XRCC4: variants seen among roughly 807,000 people sequenced by gnomAD.
The protein encoded by XRCC4 is DNA repair protein XRCC4.
XRCC4 carries 28 observed loss-of-function variants against 39.1 expected under a neutral mutation model. The ratio of observed to expected loss-of-function variants is 0.72; its 90% CI spans 0.53 to 0.98. The LOEUF is 0.98. Ranked by LOEUF, XRCC4 falls within the 50% of genes least tolerant of loss-of-function variation. XRCC4 has a pLI of 0.00. For synonymous variants in XRCC4, 123 were observed against 126.4 expected, an observed-to-expected ratio of 0.97 and a Z score of 0.18; for missense variants, 350 against 376.4, an observed-to-expected ratio of 0.93 and a Z score of 0.58.
intron 3 of XRCC4, among the ~76,000 whole-genome samples, chr5:83,157,660 G>A (rs576679948): frequency 6.6e-6 from 1 of 152,144 alleles, no homozygotes; most frequent in East Asian, 1.9e-4. Flanking sequence ...AAAGAAAAGA[G>A]TTGTTGGAAA....
At chr5:83,135,693 T>C (rs1747863764) in intron 3 of XRCC4, among the ~76,000 whole-genome samples, 1 of 152,148 alleles carries the variant, frequency 6.6e-6, no homozygotes, top group South Asian at 2.1e-4. Context: ...TAATCTTTTC[T>C]TCTGCTGTGC....
chr5:83,331,468 CTT>C, intron 7 of XRCC4, among the ~76,000 whole-genome samples: 1 of 152,126 alleles, frequency 6.6e-6, no homozygotes, highest in African/African-American at 2.4e-5. Context: ...AGTTCAGACA[CTT>C]TGAAAAACAA....
At chr5:83,306,221 A>T (rs1245632825) in intron 7 of XRCC4, among the ~76,000 whole-genome samples, 1 of 152,172 alleles carries the variant, frequency 6.6e-6, no homozygotes, top group Non-Finnish European at 1.5e-5. Flanking sequence ...ATATATATAT[A>T]TACACACACA....
chr5:83,134,320 GATT>G (rs1747771831), intron 3 of XRCC4, among the ~76,000 whole-genome samples: 1 of 152,036 alleles, frequency 6.6e-6, no homozygotes, highest in African/African-American at 2.4e-5. Context: ...CTAGCTAAAG[GATT>G]GTAAACACAC....
At position 83,195,840 on chromosome 5, in the gene XRCC4, ATT is replaced by A. The variant is rs761037843; in HGVS notation, c.387_388del (p.Tyr129Ter). ...GAAGTCATTAGAGAACTTATTTGTT[ATT>A]GCTTGGACACCATTGCAGAAAATCA... On this transcript the variant is annotated stop_gained and frameshift_variant, in exon 4 of 8. Coordinates refer to ENST00000396027, the MANE Select transcript of XRCC4 (RefSeq NM_003401.5). LOFTEE classifies it high-confidence loss of function. 6.2e-7 allele frequency: 1 copy of A among 1,612,350 alleles called. No homozygotes were observed. The highest frequency in any genetic ancestry group is 8.5e-7 in the Non-Finnish European group (1 of 1,178,912).
At chr5:83,323,239 G>T (rs58597189) in intron 7 of XRCC4, among the ~76,000 whole-genome samples, 3,875 of 151,946 alleles carry the variant, frequency 0.026, 104 homozygotes, top group East Asian at 0.15. Context: ...GTTTAAATCA[G>T]GAAATAATTA....
chr5:83,160,826 T>G (rs1324715129), intron 3 of XRCC4, among the ~76,000 whole-genome samples: 3 of 152,006 alleles, frequency 2.0e-5, no homozygotes, highest in Non-Finnish European at 4.4e-5. Context: ...ACCCCCTTCT[T>G]TTAAGCTTTT....
In XRCC4 at chr5:83,169,038, A is replaced by G. The variant is rs528943331; in HGVS notation, c.316-26732A>G. Among the ~76,000 whole-genome samples, 3 of 152,276 alleles carry G rather than the reference A, an allele frequency of 2.0e-5. No homozygotes were observed. The South Asian group carries it at 6.2e-4, about 32-fold the overall frequency. On this transcript the variant is annotated intron_variant, in intron 3 of 7. Coordinates refer to ENST00000396027, the MANE Select transcript of XRCC4 (RefSeq NM_003401.5). ...CAGAGGGCCTGGAGGGATGAATTCA[A>G]GGGAGCTGTGGGTGGGGTTAAGTGG... is the stretch of plus-strand genomic sequence containing the variant.
intron 7 of XRCC4, among the ~76,000 whole-genome samples, chr5:83,345,731 C>T (rs779080678): frequency 3.3e-5 from 5 of 152,110 alleles, no homozygotes; most frequent in Non-Finnish European, 7.4e-5. Flanking sequence ...CCATTTTAAA[C>T]TTGGCTGAGA....
chr5:83,083,134 C>T (rs1279825859), intron 1 of XRCC4, among the ~76,000 whole-genome samples: 2 of 152,100 alleles, frequency 1.3e-5, no homozygotes, highest in Non-Finnish European at 2.9e-5. Context: ...CTATCTCCTC[C>T]ACCCTGTTTT....
At chr5:83,197,554 C>T (rs1048681426) in intron 4 of XRCC4, among the ~76,000 whole-genome samples, 9 of 152,066 alleles carry the variant, frequency 5.9e-5, no homozygotes, top group African/African-American at 1.4e-4. Flanking sequence ...CAGCAGGGAA[C>T]GAAGATGGGG....
chr5:83,346,113 T>C (rs1756909759), intron 7 of XRCC4, among the ~76,000 whole-genome samples: 1 of 152,194 alleles, frequency 6.6e-6, no homozygotes, highest in African/African-American at 2.4e-5. Context: ...GAAAAAAGAC[T>C]TAGGCTTTAG....
chr5:83,278,935 C>A (rs1754432698), intron 7 of XRCC4, among the ~76,000 whole-genome samples: 1 of 148,526 alleles, frequency 6.7e-6, no homozygotes, highest in Admixed American at 6.7e-5. Context: ...TTGCAGTGAG[C>A]CGAGATCGTG....
intron 7 of XRCC4, among the ~76,000 whole-genome samples, chr5:83,282,467 C>T (rs1170189283): frequency 1.3e-5 from 2 of 151,862 alleles, no homozygotes; most frequent in African/African-American, 2.4e-5. Context: ...CCACTTCAAT[C>T]AGAGTAGTTT....
At chr5:83,327,013 G>A (rs1756284676) in intron 7 of XRCC4, among the ~76,000 whole-genome samples, 1 of 152,006 alleles carries the variant, frequency 6.6e-6, no homozygotes, top group Non-Finnish European at 1.5e-5. Flanking sequence ...GCTAGAAAAT[G>A]CTCTTCAGGG....
chr5:83,313,717 GA>G (rs1399478829), intron 7 of XRCC4, among the ~76,000 whole-genome samples: 3 of 152,026 alleles, frequency 2.0e-5, no homozygotes, highest in African/African-American at 7.2e-5. Flanking sequence ...TTTAGATATT[GA>G]CTTGCTTCCT....
intron 1 of XRCC4, among the ~76,000 whole-genome samples, chr5:83,092,954 C>T (rs993585752): frequency 2.0e-5 from 3 of 151,478 alleles, no homozygotes; most frequent in African/African-American, 7.3e-5. Context: ...TACTTATCAA[C>T]AATTATATTG....
At chr5:83,180,449 A>G (rs1177021301) in intron 3 of XRCC4, among the ~76,000 whole-genome samples, 1 of 152,130 alleles carries the variant, frequency 6.6e-6, no homozygotes, top group East Asian at 1.9e-4. Context: ...AGCGGCTCAA[A>G]TTTTTAAGTG....
chr5:83,149,823 C>A (rs1188282667), intron 3 of XRCC4, among the ~76,000 whole-genome samples: 2 of 151,926 alleles, frequency 1.3e-5, no homozygotes, highest in Non-Finnish European at 1.5e-5. Context: ...CTGTTACAAC[C>A]CAGCTGCAAA....
Sources: gnomAD v4.1 joint callset for allele counts (sites outside exome capture counted in the v4.1 genomes callset) on GRCh38, gnomAD v4.1.1 for gene constraint, MANE v1.5 for transcripts, NCBI Gene and HGNC (gene_info 2026-07-23, HGNC 2026-07-21) for gene names.